Variants in FCHO1 observed in about 807,000 individuals in gnomAD.
FCHO1 encodes the protein F-BAR domain only protein 1.
Under a neutral mutation model 114.4 loss-of-function variants are expected in FCHO1, and 45 were observed. The ratio of observed to expected loss-of-function variants is 0.39; its 90% CI spans 0.31 to 0.50. FCHO1 has a LOEUF of 0.50. FCHO1 is among the 20% of genes least tolerant of loss of function. The pLI is 0.77. For missense variants in FCHO1, 1,042 were observed against 1,209.6 expected, an observed-to-expected ratio of 0.86 and a Z score of 2.06; for synonymous variants, 480 against 488.9, an observed-to-expected ratio of 0.98 and a Z score of 0.24.
chr19:17,784,275 G>T lies in FCHO1; in HGVS notation c.2226+40G>T, dbSNP rs766559459. The T allele has an allele frequency of 7.7e-6, 12 of 1,559,866 alleles. No individual in the cohort carries two copies. The highest frequency in any genetic ancestry group is 3.9e-5 in the Admixed American group (2 of 51,658). On this transcript the variant is annotated intron_variant, in intron 25 of 28. Coordinates refer to ENST00000596536, the MANE Select transcript of FCHO1 (RefSeq NM_015122.3). The surrounding 1 kb of genome is among the most constrained non-coding windows in gnomAD (Gnocchi z 5.3). ...TGGGGCCGGGAGGAGGTGGTGGAGT[G>T]GGGGACACGGTGAGCCGGCAGCAGA...
At chr19:17,766,924 C>CGTTAATTCCACA (rs1246471415) in intron 7 of FCHO1, 114 bp downstream of exon 7, 6 of 1,146,434 alleles carry the variant, frequency 5.2e-6, no homozygotes, top group Admixed American at 2.6e-5. Flanking sequence ...CCGAGAATTC[C>CGTTAATTCCACA]GTTAATTCCA....
At chr19:17,748,507 T>G (rs1452437958), upstream of FCHO1, among the ~76,000 whole-genome samples, 5 of 134,430 alleles carry the variant, frequency 3.7e-5, no homozygotes, top group Middle Eastern at 3.8e-3. Context: ...AGCCTGGACT[T>G]GGGGGGGGGG....
chr19:17,759,908 A>G (rs141869005), intron 4 of FCHO1, among the ~76,000 whole-genome samples: 156 of 152,162 alleles, frequency 1.0e-3, no homozygotes, highest in Admixed American at 9.3e-3. Context: ...TTTTCTGTAG[A>G]TGGTCATATA....
chr19:17,787,098 C>T (rs1044767379), intron 27 of FCHO1, among the ~76,000 whole-genome samples: 1 of 151,434 alleles, frequency 6.6e-6, no homozygotes, highest in African/African-American at 2.4e-5. Flanking sequence ...GTGGCACGCA[C>T]CTGTGATCCC....
rs184954351 is a variant in FCHO1, at chr19:17,787,658, G to A, written c.2483-24G>A. ...CTGGGACGGGGGCTGGTGCCAGGGCGCAGCTGACTGCAGGTCTCCCCAGGT... is the reference window on the plus strand; with the variant it reads ...CTGGGACGGGGGCTGGTGCCAGGGCACAGCTGACTGCAGGTCTCCCCAGGT... On this transcript the variant is annotated intron_variant, in intron 27 of 28. Coordinates refer to ENST00000596536, the MANE Select transcript of FCHO1 (RefSeq NM_015122.3). 1.9e-3 allele frequency: 2,937 copies of A among 1,538,632 alleles called. 53 individuals are homozygous for A. The African/African-American group carries it at 0.035, about 18-fold the overall frequency.
chr19:17,775,378 CG>C lies in FCHO1; in HGVS notation c.946-72del, dbSNP rs1468986645. 2 of 1,413,258 alleles carry C rather than the reference CG, an allele frequency of 1.4e-6. No homozygotes were observed. Among genetic ancestry groups the C allele is most frequent in the African/African-American group, 1.4e-5 (1 of 70,818 alleles). 87.5% of individuals were successfully genotyped at this position (1,413,258 alleles called of 1,614,324 possible). On this transcript the variant is annotated intron_variant, in intron 14 of 28. Coordinates refer to ENST00000596536, the MANE Select transcript of FCHO1 (RefSeq NM_015122.3). This position sits in a 1 kb window ranked among gnomAD's most constrained non-coding sequence, Gnocchi z 5.1. ...TCTGAGTCAAGGCCTGGGGGCAGGG[CG>C]GGGGGCGGTTGGCAGGGTGAGATGG...
chr19:17,757,444 G>T (rs547278375), intron 4 of FCHO1, among the ~76,000 whole-genome samples: 3 of 152,178 alleles, frequency 2.0e-5, no homozygotes, highest in African/African-American at 7.2e-5. Context: ...CCTGGGGCCA[G>T]CACTGTGCCA....
At position 17,787,815 on chromosome 19, in the gene FCHO1, C is replaced by T; in HGVS notation, c.2616C>T (p.Arg872=). The stretch of plus-strand genomic sequence containing the variant: ...TGGAACTGGTGGGCAGCGGTTACCG[C>T]ATGTCGCTGGTGAAGAGGAGGTTTG... ...VDLELVGSGY[R]MSLVKRRFAT... The change falls in exon 28 of 29, where the codon CGC becomes CGT. Residue 872 remains arginine, a synonymous_variant. Transcript: ENST00000596536. 1 of 1,613,464 alleles carries T rather than the reference C, an allele frequency of 6.2e-7. No individual in the cohort carries two copies. Among genetic ancestry groups the T allele is most frequent in the Non-Finnish European group, 8.5e-7 (1 of 1,179,850 alleles).
chr19:17,762,510 A>G (rs1462904585), intron 4 of FCHO1, among the ~76,000 whole-genome samples: 1 of 152,134 alleles, frequency 6.6e-6, no homozygotes, highest in Non-Finnish European at 1.5e-5. Flanking sequence ...ACAAAGACAC[A>G]GAACAAATGA....
At chr19:17,768,610 CTT>C (rs2090232993) in intron 7 of FCHO1, among the ~76,000 whole-genome samples, 1 of 151,472 alleles carries the variant, frequency 6.6e-6, no homozygotes, top group African/African-American at 2.4e-5. Flanking sequence ...AGGAGAATGA[CTT>C]GAGCCTGGGA....
At chr19:17,769,573 C>T (rs984441740) in intron 7 of FCHO1, among the ~76,000 whole-genome samples, 14 of 133,220 alleles carry the variant, frequency 1.1e-4, no homozygotes, top group Admixed American at 6.5e-4. Flanking sequence ...AGCGAGACTT[C>T]GTCTCAAACA....
intron 12 of FCHO1, 53 bp from the exon 13 acceptor site, chr19:17,774,341 C>G: frequency 4.3e-6 from 7 of 1,612,730 alleles, no homozygotes; most frequent in Non-Finnish European, 5.9e-6. Context: ...GGAGGCTGAT[C>G]TGAATGTGAA....
chr19:17,781,741 C>A lies in FCHO1; in HGVS notation c.1858C>A (p.Leu620Met). Reference sequence around the variant, plus strand: ...CTCCCGGGGTCCGAGCCCTGTGGTCCTGGGCTCCCAGGATGCCCTGCCCAT... The same window carrying A: ...CTCCCGGGGTCCGAGCCCTGTGGTCATGGGCTCCCAGGATGCCCTGCCCAT... ...GVSRGPSPVV[L>M]GSQDALPIAT... Residue 620 changes from leucine (L) to methionine (M), a missense_variant, in exon 23 of 29, where the codon CTG (leucine) becomes ATG (methionine). Around this residue, in one of 3 missense-constraint regions of FCHO1, gnomAD observed 455 missense variants for 455.4 expected, o/e 1.00. Transcript: ENST00000596536. 6.2e-7 allele frequency: 1 copy of A among 1,610,428 alleles called. No homozygotes were observed.
rs746454625 is a variant in FCHO1 at position 17,784,152 on chromosome 19, G to T, written c.2143G>T (p.Ala715Ser). 3.2e-5 allele frequency: 52 copies of T among 1,613,974 alleles called. No homozygotes were observed. In the Admixed American group the frequency reaches 6.3e-4, roughly 20 times the overall value. The change falls in exon 25 of 29, where the codon GCA becomes TCA. Residue 715 changes from alanine to serine, a missense_variant. This residue lies in a region of FCHO1 where 455 missense variants were observed against 455.4 expected (regional missense o/e 1.00). Coordinates refer to ENST00000596536, the MANE Select transcript of FCHO1 (RefSeq NM_015122.3). The surrounding 1 kb of genome is among the most constrained non-coding windows in gnomAD (Gnocchi z 5.3). ...GACCAAAGACTTCTGGCTCAACATG[G>T]CAGCTCTGACCGAAGCCCTGCAGCG... ...PETKDFWLNM[A>S]ALTEALQRQA...
chr19:17,782,537 T>C (rs2093517779), intron 23 of FCHO1, among the ~76,000 whole-genome samples: 1 of 152,198 alleles, frequency 6.6e-6, no homozygotes, highest in African/African-American at 2.4e-5. Context: ...TATGCATTGC[T>C]GTAGACGCCA....
At chr19:17,782,991 A>G in intron 23 of FCHO1, 26 bp from the exon 24 acceptor site, 4 of 1,611,596 alleles carry the variant, frequency 2.5e-6, no homozygotes, top group Non-Finnish European at 3.4e-6. Context: ...CCCTAAGCCA[A>G]CACCCAGTCC....
At chr19:17,785,720 G>C (rs564621502) in intron 26 of FCHO1, among the ~76,000 whole-genome samples, 47 of 147,328 alleles carry the variant, frequency 3.2e-4, no homozygotes, top group African/African-American at 1.2e-3. Context: ...TGTAGTCCCA[G>C]CTACTTGGGA....
chr19:17,777,550 A>G lies in FCHO1; in HGVS notation c.1260-587A>G, dbSNP rs57633687. Among the ~76,000 whole-genome samples the G allele has an allele frequency of 1.3e-3, 168 of 134,258 alleles. 1 individual carries two copies. The highest frequency in any genetic ancestry group is 3.1e-3 in the Admixed American group (43 of 13,708). The allele number at this position is 134,258 out of a possible 152,430, so 88.1% of individuals were successfully genotyped here. On this transcript the variant is annotated intron_variant, in intron 18 of 28. Transcript: ENST00000596536. ...AACTCCGTCTCAAAAAAAAAAAAAA[A>G]AAAAAAAAAAAAGCAAATAAGTTAG...
upstream of FCHO1, chr19:17,747,877 G>C (rs1321099008): frequency 6.6e-6 from 1 of 152,302 alleles, no homozygotes; most frequent in Non-Finnish European, 1.5e-5. Flanking sequence ...CACGCGCACC[G>C]TGCCCTGCAG....
Sources: gnomAD v4.1 joint callset for allele counts (sites outside exome capture counted in the v4.1 genomes callset) on GRCh38, gnomAD v4.1.1 for gene constraint, gnomAD v4.1.1 regional missense constraint, Gnocchi (gnomAD v3.1) non-coding constraint, MANE v1.5 for transcripts, NCBI Gene and HGNC (gene_info 2026-07-23, HGNC 2026-07-21) for gene names.